Variants in INPP5D observed in about 807,000 individuals in gnomAD.
INPP5D encodes inositol polyphosphate-5-phosphatase D.
Under a neutral mutation model 122.9 loss-of-function variants are expected in INPP5D, and 33 were observed. The ratio of observed to expected loss-of-function variants is 0.27; its 90% CI spans 0.20 to 0.36. The LOEUF (loss-of-function observed/expected upper bound fraction) is 0.36, where lower values mean the gene tolerates loss of function less well. Ranked by LOEUF, INPP5D falls within the 10% of genes least tolerant of loss-of-function variation. The probability of loss-of-function intolerance (pLI) is 1.00; values close to 1 mark genes in which losing one functional copy is unlikely to be tolerated. For synonymous variants in INPP5D, 584 were observed against 576.2 expected, an observed-to-expected ratio of 1.01 and a Z score of -0.19; for missense variants, 1,053 against 1,412.7, an observed-to-expected ratio of 0.75 and a Z score of 4.08.
chr2:233,122,669 T>C (rs1336763714), intron 3 of INPP5D, among the ~76,000 whole-genome samples: 2 of 152,144 alleles, frequency 1.3e-5, no homozygotes, highest in Non-Finnish European at 2.9e-5. Context: ...TATTCAGGCA[T>C]GGTGGCTCAG....
intron 17 of INPP5D, among the ~76,000 whole-genome samples, chr2:233,175,790 C>T (rs376948082): frequency 6.6e-6 from 1 of 151,818 alleles, no homozygotes; most frequent in Admixed American, 6.6e-5. Context: ...TCAAGCGATT[C>T]TCCTGCCTCA....
chr2:233,145,274 G>A (rs1262350545), intron 6 of INPP5D: 6 of 456,046 alleles, frequency 1.3e-5, no homozygotes, highest in Non-Finnish European at 2.2e-5. Flanking sequence ...CTAGCTGTGC[G>A]ACCTCAGACA....
At chr2:233,161,439 C>T (rs35877172) in intron 10 of INPP5D, among the ~76,000 whole-genome samples, 52,498 of 151,994 alleles carry the variant, frequency 0.35, 11,241 homozygotes, top group Non-Finnish European at 0.48. Context: ...AGTAAGGTTG[C>T]TTCTGATTTT....
intron 1 of INPP5D, among the ~76,000 whole-genome samples, chr2:233,063,518 G>A (rs1344090659): frequency 3.3e-5 from 5 of 152,248 alleles, no homozygotes; most frequent in African/African-American, 7.2e-5. Context: ...CTTGAGCGGG[G>A]GTTGGACATC....
At chr2:233,125,367 G>T (rs560644604) in intron 3 of INPP5D, among the ~76,000 whole-genome samples, 3 of 152,310 alleles carry the variant, frequency 2.0e-5, no homozygotes, top group African/African-American at 7.2e-5. Flanking sequence ...CCTCTGCCTA[G>T]CCCAGGGCTC....
At chr2:233,140,325 C>T (rs901884963) in intron 6 of INPP5D, 1 of 154,752 alleles carries the variant, frequency 6.5e-6, no homozygotes, top group Non-Finnish European at 1.4e-5. Flanking sequence ...CCAACCCCCG[C>T]ACCTGCTCAT....
rs574449849 is a variant in INPP5D, at chr2:233,170,333, C to T, written c.1792-163C>T. ...ATTACTGAGCCTCAGCCGCTCCTCA[C>T]GGTTCCCCTGTGCTCACACCCGGTT... On this transcript the variant is annotated intron_variant, in intron 15 of 26. Coordinates refer to ENST00000445964, the MANE Select transcript of INPP5D (RefSeq NM_001017915.3). The surrounding 1 kb of genome is among the most constrained non-coding windows in gnomAD (Gnocchi z 4.5). 1.1e-5 allele frequency: 16 copies of T among 1,479,866 alleles called. No individual in the cohort carries two copies. The highest frequency in any genetic ancestry group is 2.7e-5 in the South Asian group (2 of 73,926). 91.7% of individuals were successfully genotyped at this position (1,479,866 alleles called of 1,614,324 possible). A position where few individuals can be genotyped will look rare whatever the true frequency, so the allele number is the denominator to read the frequency against.
chr2:233,181,361 TC>T (rs1329604067), intron 18 of INPP5D, among the ~76,000 whole-genome samples: 1 of 152,226 alleles, frequency 6.6e-6, no homozygotes, highest in African/African-American at 2.4e-5. Flanking sequence ...CTTCTTGGTC[TC>T]CTTTGCTGGC....
At chr2:233,163,639 T>C in intron 11 of INPP5D, 68 bp from the exon 12 acceptor site, 1 of 1,606,276 alleles carries the variant, frequency 6.2e-7, no homozygotes, top group Non-Finnish European at 8.5e-7. Flanking sequence ...GCCCTCTGTT[T>C]TGAATTCTCC....
chr2:233,175,870 TG>T (rs1694611394), intron 17 of INPP5D, among the ~76,000 whole-genome samples: 1 of 151,806 alleles, frequency 6.6e-6, no homozygotes. Context: ...TTAGCAGAGA[TG>T]GGGTTTCGCC....
At chr2:233,137,919 C>A (rs1226300829) in intron 5 of INPP5D, among the ~76,000 whole-genome samples, 5 of 78,134 alleles carry the variant, frequency 6.4e-5, no homozygotes, top group African/African-American at 2.1e-4. Context: ...CACACATACA[C>A]ATAATATGTT....
chr2:233,142,980 A>G (rs1241198587), intron 6 of INPP5D, among the ~76,000 whole-genome samples: 2 of 152,120 alleles, frequency 1.3e-5, no homozygotes, highest in Non-Finnish European at 2.9e-5. Flanking sequence ...NGTCTCAGAC[A>G]TTGCCAAATG....
Position 233,177,207 on chromosome 2 carries a change from C to G in INPP5D, c.1990-58C>G. ...GGCCACCAGTTAATCTGTTCTTTTA[C>G]TGATTAAAAAAATAATAATAAGAGG... On this transcript the variant is annotated intron_variant, in intron 17 of 26. Coordinates refer to ENST00000445964, the MANE Select transcript of INPP5D (RefSeq NM_001017915.3). This position sits in a 1 kb window ranked among gnomAD's most constrained non-coding sequence, Gnocchi z 4.2. The G allele has an allele frequency of 6.2e-7, 1 of 1,606,480 alleles. No individual in the cohort carries two copies. Among genetic ancestry groups the G allele is most frequent in the Non-Finnish European group, 8.5e-7 (1 of 1,174,944 alleles).
intron 1 of INPP5D, among the ~76,000 whole-genome samples, chr2:233,075,597 A>G (rs990016788): frequency 2.7e-5 from 4 of 150,630 alleles, no homozygotes; most frequent in African/African-American, 7.3e-5. Flanking sequence ...GTGCACATGT[A>G]TATGTGTGTG....
chr2:233,103,702 CTTTTTTT>C (rs61589704), intron 2 of INPP5D, among the ~76,000 whole-genome samples: 2 of 116,120 alleles, frequency 1.7e-5, no homozygotes, highest in South Asian at 2.8e-4. Flanking sequence ...AAAAGTAGTT[CTTTTTTT>C]TTTTTTTTTT....
In INPP5D at chr2:233,160,893, C is replaced by T. The variant is rs1362309272; in HGVS notation, c.1138-831C>T. Among the ~76,000 whole-genome samples the T allele has an allele frequency of 2.6e-5, 4 of 152,182 alleles. No homozygotes were observed. Among genetic ancestry groups the T allele is most frequent in the African/African-American group, 9.7e-5 (4 of 41,442 alleles). On this transcript the variant is annotated intron_variant, in intron 10 of 26. Coordinates refer to ENST00000445964, the MANE Select transcript of INPP5D (RefSeq NM_001017915.3). This position sits in a 1 kb window ranked among gnomAD's most constrained non-coding sequence, Gnocchi z 4.2. ...CAAACAATCCTTCTGCCTCAGCCTCCCAAAGTCCTGGGATTACAGGCATGA... is the reference window on the plus strand; with the variant it reads ...CAAACAATCCTTCTGCCTCAGCCTCTCAAAGTCCTGGGATTACAGGCATGA...
intron 11 of INPP5D, among the ~76,000 whole-genome samples, chr2:233,162,532 T>G (rs998862778): frequency 3.3e-5 from 5 of 151,698 alleles, no homozygotes; most frequent in African/African-American, 1.2e-4. Flanking sequence ...ACTAAACACA[T>G]GCACTCTACT....
chr2:233,150,001 G>T (rs541144582), intron 9 of INPP5D, among the ~76,000 whole-genome samples: 14 of 152,270 alleles, frequency 9.2e-5, no homozygotes, highest in African/African-American at 2.6e-4. Flanking sequence ...TCCTGCAGAG[G>T]GGAGCTCATA....
At chr2:233,139,774 G>T (rs1224895128) in intron 5 of INPP5D, 68 bp from the exon 6 acceptor site, 6 of 397,164 alleles carry the variant, frequency 1.5e-5, no homozygotes, top group South Asian at 2.6e-4. Flanking sequence ...GCTAGAGCCC[G>T]TGCTGCCATG....
Sources: allele counts gnomAD v4.1 joint callset (sites outside exome capture counted in the v4.1 genomes callset), GRCh38; gene constraint gnomAD v4.1.1; non-coding constraint Gnocchi (gnomAD v3.1); transcripts MANE v1.5; gene names NCBI Gene and HGNC (gene_info 2026-07-23, HGNC 2026-07-21).